RNF208: variants seen among roughly 807,000 people sequenced by gnomAD.
RNF208 encodes the protein ring finger protein 208.
RNF208 carries 7 observed loss-of-function variants against 15.2 expected under a neutral mutation model. That is an observed-to-expected ratio of 0.46 (90% CI 0.26 to 0.86). The LOEUF is 0.86. Ranked by LOEUF, RNF208 falls within the 40% of genes least tolerant of loss-of-function variation. The pLI, the probability that RNF208 is intolerant of heterozygous loss-of-function variation, is 0.16. For synonymous variants in RNF208, 211 were observed against 163.2 expected, an observed-to-expected ratio of 1.29 and a Z score of -2.23; for missense variants, 342 against 364.1, an observed-to-expected ratio of 0.94 and a Z score of 0.49.
upstream of RNF208, among the ~76,000 whole-genome samples, chr9:137,223,332 G>A (rs940197493): frequency 1.3e-5 from 2 of 152,218 alleles, no homozygotes; most frequent in African/African-American, 4.8e-5. Flanking sequence ...AGGCAGCCTG[G>A]GCCTGGGGAG....
chr9:137,220,590 G>A lies in RNF208; in HGVS notation c.623C>T (p.Thr208Met), dbSNP rs769984433. 7 of 1,612,008 alleles carry A rather than the reference G, an allele frequency of 4.3e-6. No individual in the cohort carries two copies. The highest frequency in any genetic ancestry group is 2.2e-5 in the East Asian group (1 of 44,856). The change falls in exon 2 of 2, where the codon ACG becomes ATG. Residue 208 changes from threonine to methionine, a missense_variant. Coordinates refer to ENST00000391553, the MANE Select transcript of RNF208 (RefSeq NM_031297.7). The stretch of plus-strand genomic sequence containing the variant: ...AGGCGGCAGGCGGCTCAGGATGGAC[G>A]TGTTGACAGCCAGCGCGGCCAGGCC... ...DYGLAALAVNTSILSRLPPEA... is the reference protein window; with the variant it reads ...DYGLAALAVNMSILSRLPPEA...
chr9:137,221,273 G>T lies in RNF208; in HGVS notation c.-61C>A. 1 of 1,179,388 alleles carries T rather than the reference G, an allele frequency of 8.5e-7. No homozygotes were observed. The highest frequency in any genetic ancestry group is 1.6e-5 in the African/African-American group (1 of 63,750). 73.1% of individuals were successfully genotyped at this position (1,179,388 alleles called of 1,614,324 possible). On this transcript the variant is annotated 5_prime_UTR_variant, in exon 2 of 2. Transcript: ENST00000391553. ...GTGGGGGCGTTGTGTGGGGCTGGGG[G>T]GCAGGTGACAGGGCAGCATCCTGGT...
rs971354887 is a variant in RNF208, at chr9:137,222,088, GGGCTCCGGC to G, written c.-635_-627del. ...CCGCGCCTCGGCCCGGCAGCTCGGG[GGGCTCCGGC>G]GGCTCCGGCGGCGGCCGCAGCGACC... On this transcript the variant is annotated 5_prime_UTR_variant, in exon 1 of 2. Coordinates refer to ENST00000391553, the MANE Select transcript of RNF208 (RefSeq NM_031297.7). Among the ~76,000 whole-genome samples the G allele has an allele frequency of 6.8e-5, 10 of 147,874 alleles. No homozygotes were observed. The highest frequency in any genetic ancestry group is 1.5e-4 in the African/African-American group (6 of 41,050).
chr9:137,223,329 C>G (rs1037718938), upstream of RNF208, among the ~76,000 whole-genome samples: 1 of 152,232 alleles, frequency 6.6e-6, no homozygotes, highest in Non-Finnish European at 1.5e-5. Context: ...CTGAGGCAGC[C>G]TGGGCCTGGG....
Position 137,222,146 on chromosome 9 carries a change from G to C in RNF208, c.-684C>G, listed in dbSNP as rs940514708. On this transcript the variant is annotated 5_prime_UTR_variant, in exon 1 of 2. Coordinates refer to ENST00000391553, the MANE Select transcript of RNF208 (RefSeq NM_031297.7). ...CCTCAGGCGATGGCGGGGCCCGGGC[G>C]GCACCGAGGGGCGCGGGCGCGGGCG... Among the ~76,000 whole-genome samples the C allele has an allele frequency of 1.4e-5, 2 of 146,392 alleles. No individual in the cohort carries two copies. Among genetic ancestry groups the C allele is most frequent in the Non-Finnish European group, 3.0e-5 (2 of 65,874 alleles).
rs1057047617 is a variant in RNF208 at position 137,221,373 on chromosome 9, G to C, written c.-161C>G. 31 of 210,394 alleles carry C rather than the reference G, an allele frequency of 1.5e-4. No homozygotes were observed. Among genetic ancestry groups the C allele is most frequent in the Non-Finnish European group, 2.7e-4 (29 of 108,004 alleles). 13.0% of individuals were successfully genotyped at this position (210,394 alleles called of 1,614,324 possible). A position where few individuals can be genotyped will look rare whatever the true frequency, so the allele number is the denominator to read the frequency against. On this transcript the variant is annotated 5_prime_UTR_variant, in exon 2 of 2. Transcript: ENST00000391553. ...AGCCGGCGAGAGTTGGGGGTGCAGG[G>C]CCCCCCCCAGTGGCCACAGTGGCTT...
rs1835831257 is a variant in RNF208 at position 137,220,369 on chromosome 9, G to T, written c.*58C>A. On this transcript the variant is annotated 3_prime_UTR_variant, in exon 2 of 2. Transcript: ENST00000391553. ...GTCAGCGGGCGGCAGGGCAGGGCCG[G>T]GTCCCTGAAGAAGCAGCGAGCGAGG... 6.8e-7 allele frequency: 1 copy of T among 1,478,202 alleles called. No homozygotes were observed. Among genetic ancestry groups the T allele is most frequent in the Non-Finnish European group, 9.0e-7 (1 of 1,106,240 alleles). The allele number at this position is 1,478,202 out of a possible 1,614,324, so 91.6% of individuals were successfully genotyped here. A position where few individuals can be genotyped will look rare whatever the true frequency, so the allele number is the denominator to read the frequency against.
At position 137,220,862 on chromosome 9, in the gene RNF208, A is replaced by C; in HGVS notation, c.351T>G (p.Ile117Met). 1 of 1,596,756 alleles carries C rather than the reference A, an allele frequency of 6.3e-7. No homozygotes were observed. The highest frequency in any genetic ancestry group is 1.3e-5 in the African/African-American group (1 of 74,416). ...FPRVAPEDEVIVNQYVIRPGP... is the reference protein window; with the variant it reads ...FPRVAPEDEVMVNQYVIRPGP... Reference sequence around the variant, plus strand: ...CAGGCCGAATCACGTACTGATTCACAATGACCTCATCCTCTGGGGCCACGC... The same window carrying C: ...CAGGCCGAATCACGTACTGATTCACCATGACCTCATCCTCTGGGGCCACGC... Residue 117 changes from isoleucine (I) to methionine (M), a missense_variant, in exon 2 of 2, where the codon ATT becomes ATG. Coordinates refer to ENST00000391553, the MANE Select transcript of RNF208 (RefSeq NM_031297.7).
rs1235866894 is a variant in RNF208 at position 137,220,312 on chromosome 9, G to T, written c.*115C>A. The stretch of plus-strand genomic sequence containing the variant: ...GGCTGCAGCGACAATGCCACTCGGG[G>T]TGGGGCCGGAAGCCATGGTGGGGAA... On this transcript the variant is annotated 3_prime_UTR_variant, in exon 2 of 2. Transcript: ENST00000391553. 1.7e-6 allele frequency: 2 copies of T among 1,175,260 alleles called. No homozygotes were observed. The highest frequency in any genetic ancestry group is 2.3e-6 in the Non-Finnish European group (2 of 859,340). 72.8% of individuals were successfully genotyped at this position (1,175,260 alleles called of 1,614,324 possible).
Position 137,220,767 on chromosome 9 carries a change from G to A in RNF208, c.446C>T (p.Ser149Phe), listed in dbSNP as rs777673561. 3.7e-6 allele frequency: 6 copies of A among 1,612,118 alleles called. No homozygotes were observed. Among genetic ancestry groups the A allele is most frequent in the Non-Finnish European group, 4.2e-6 (5 of 1,179,770 alleles). Residue 149 changes from serine to phenylalanine, a missense_variant, in exon 2 of 2, where the codon TCC becomes TTC. By Grantham distance (155) the Ser-to-Phe change is radical. Around this residue, in one of 3 missense-constraint regions of RNF208, gnomAD observed 76 missense variants for 118.0 expected, o/e 0.64. Transcript: ENST00000391553. Reference protein sequence around the residue: ...EPLECPTCGHSYNVTQRRPRV... With the variant: ...EPLECPTCGHFYNVTQRRPRV... The stretch of plus-strand genomic sequence containing the variant: ...GGGCCTCCGCTGGGTGACATTGTAG[G>A]AGTGCCCACAGGTGGGGCACTCCAG...
upstream of RNF208, among the ~76,000 whole-genome samples, chr9:137,222,311 G>T (rs1029050481): frequency 6.0e-5 from 9 of 148,776 alleles, no homozygotes; most frequent in African/African-American, 2.2e-4. Context: ...CCCGTCTGGG[G>T]ACCCGCGCGG....
chr9:137,223,259 C>T (rs1383957306), upstream of RNF208, among the ~76,000 whole-genome samples: 7 of 152,344 alleles, frequency 4.6e-5, no homozygotes, highest in East Asian at 9.6e-4. Context: ...GAGAGGTGTG[C>T]GGGTGACAGG....
rs765638765 is a variant in RNF208 at position 137,221,214 on chromosome 9, C to T, written c.-2G>A. 19 of 1,139,316 alleles carry T rather than the reference C, an allele frequency of 1.7e-5. No individual in the cohort carries two copies. Among genetic ancestry groups the T allele is most frequent in the East Asian group, 1.2e-4 (2 of 16,524 alleles). 70.6% of individuals were successfully genotyped at this position (1,139,316 alleles called of 1,614,324 possible). A position where few individuals can be genotyped will look rare whatever the true frequency, so the allele number is the denominator to read the frequency against. ...CTCGGGCCCGGGGTCAGAGGGCATCCGGCTGTCTCCAGTCAGACTGGATGT... is the reference window on the plus strand; with the variant it reads ...CTCGGGCCCGGGGTCAGAGGGCATCTGGCTGTCTCCAGTCAGACTGGATGT... On this transcript the variant is annotated 5_prime_UTR_variant, in exon 2 of 2. Transcript: ENST00000391553.
rs1835878521 is a variant in RNF208, at chr9:137,222,011, C to T, written c.-549G>A. Among the ~76,000 whole-genome samples the T allele has an allele frequency of 6.6e-6, 1 of 151,412 alleles. No individual in the cohort carries two copies. ...CACCTGCCCCAGCCTGGCGTCCCGG[C>T]CGCGCGCCGCCGCCGCAGAGGTTGT... On this transcript the variant is annotated 5_prime_UTR_variant, in exon 1 of 2. Transcript: ENST00000391553.
In RNF208 at chr9:137,220,303, C is replaced by A; in HGVS notation, c.*124G>T. ...GGCAAAGTTGGCTGCAGCGACAATG[C>A]CACTCGGGGTGGGGCCGGAAGCCAT... On this transcript the variant is annotated 3_prime_UTR_variant, in exon 2 of 2. Coordinates refer to ENST00000391553, the MANE Select transcript of RNF208 (RefSeq NM_031297.7). 9.2e-7 allele frequency: 1 copy of A among 1,085,634 alleles called. No homozygotes were observed. 67.3% of individuals were successfully genotyped at this position (1,085,634 alleles called of 1,614,324 possible).
chr9:137,220,610 C>G lies in RNF208; in HGVS notation c.603G>C (p.Leu201=). ...TGGACGTGTTGACAGCCAGCGCGGC[C>G]AGGCCGTAGTCGGTGAAGAGCACAG... is the stretch of plus-strand genomic sequence containing the variant. The part of the protein sequence containing the change: ...RETVLFTDYG[L]AALAVNTSIL... Residue 201 remains leucine (L), a synonymous_variant, in exon 2 of 2, where the codon CTG becomes CTC. Transcript: ENST00000391553. 2 of 1,612,398 alleles carry G rather than the reference C, an allele frequency of 1.2e-6. No individual in the cohort carries two copies. Among genetic ancestry groups the G allele is most frequent in the South Asian group, 1.1e-5 (1 of 91,048 alleles).
Position 137,220,849 on chromosome 9 carries a change from C to T in RNF208, c.364G>A (p.Val122Met). Reference sequence around the variant, plus strand: ...GAGGCCGAGGGGCCAGGCCGAATCACGTACTGATTCACAATGACCTCATCC... The same window carrying T: ...GAGGCCGAGGGGCCAGGCCGAATCATGTACTGATTCACAATGACCTCATCC... ...PEDEVIVNQYVIRPGPSASAA... is the reference protein window; with the variant it reads ...PEDEVIVNQYMIRPGPSASAA... The change falls in exon 2 of 2, where the codon GTG becomes ATG. Residue 122 changes from valine to methionine, a missense_variant. Physicochemically the swap from Val to Met is conservative, Grantham distance 21 (BLOSUM62 1). Transcript: ENST00000391553. 1.9e-6 allele frequency: 3 copies of T among 1,602,576 alleles called. No individual in the cohort carries two copies. Among genetic ancestry groups the T allele is most frequent in the Non-Finnish European group, 2.6e-6 (3 of 1,174,182 alleles).
In RNF208 at chr9:137,221,137, C is replaced by T; in HGVS notation, c.76G>A (p.Val26Ile). ...TTCATGGCCTCCATCTTGAGGATGA[C>T]ATGGGGACCCTTCAGGCAGGACATG... Reference protein sequence around the residue: ...LLMSCLKGPHVILKMEAMKIV... With the variant: ...LLMSCLKGPHIILKMEAMKIV... The change falls in exon 2 of 2, where the codon GTC becomes ATC. Residue 26 changes from valine to isoleucine, a missense_variant. By Grantham distance (29) the Val-to-Ile change is conservative. Coordinates refer to ENST00000391553, the MANE Select transcript of RNF208 (RefSeq NM_031297.7). 6.3e-7 allele frequency: 1 copy of T among 1,592,580 alleles called. No individual in the cohort carries two copies. Among genetic ancestry groups the T allele is most frequent in the Non-Finnish European group, 8.6e-7 (1 of 1,167,994 alleles).
rs1054745601 is a variant in RNF208, at chr9:137,220,516, C to T, written c.697G>A (p.Gly233Ser). 2.5e-6 allele frequency: 4 copies of T among 1,602,298 alleles called. No individual in the cohort carries two copies. Among genetic ancestry groups the T allele is most frequent in the Non-Finnish European group, 3.4e-6 (4 of 1,175,772 alleles). ...SGGQWGAEPE[G>S]SCYQTFRQYC... is the part of the protein sequence containing the mutation. ...TGCCGGAAGGTCTGGTAGCAGCTGC[C>T]CTCGGGCTCAGCCCCCCACTGACCC... Residue 233 changes from glycine (G) to serine (S), a missense_variant, in exon 2 of 2, where the codon GGC (glycine) becomes AGC (serine). Coordinates refer to ENST00000391553, the MANE Select transcript of RNF208 (RefSeq NM_031297.7).
Sources: allele counts gnomAD v4.1 joint callset (sites outside exome capture counted in the v4.1 genomes callset), GRCh38; gene constraint gnomAD v4.1.1; regional missense constraint gnomAD v4.1.1; transcripts MANE v1.5; gene names NCBI Gene and HGNC (gene_info 2026-07-23, HGNC 2026-07-21).